The following DMXL2 variants were observed in gnomAD, a reference collection of about 807,000 sequenced individuals.
The protein encoded by DMXL2 is Dmx like 2.
DMXL2 carries 103 observed loss-of-function variants against 331.1 expected under a neutral mutation model. The observed-to-expected ratio is 0.31, with a 90% CI of 0.27 to 0.37. The LOEUF is 0.37. DMXL2 is among the 10% of genes least tolerant of loss of function. The pLI is 1.00. For missense variants in DMXL2, 3,171 were observed against 3,642.9 expected, an observed-to-expected ratio of 0.87 and a Z score of 3.33; for synonymous variants, 1,281 against 1,252.1, an observed-to-expected ratio of 1.02 and a Z score of -0.49.
At chr15:51,529,416 A>C (rs1351427290) in intron 13 of DMXL2, among the ~76,000 whole-genome samples, 4 of 152,268 alleles carry the variant, frequency 2.6e-5, no homozygotes, top group South Asian at 2.1e-4. Flanking sequence ...AGATGAAAAA[A>C]GGGATACTAC....
rs148767441 is a variant in DMXL2 at position 51,456,428 on chromosome 15, A to G, written c.8338-59T>C. The G allele has an allele frequency of 1.2e-3, 1,232 of 999,232 alleles. 22 individuals carry two copies. The East Asian group carries it at 0.03, about 24-fold the overall frequency. 61.9% of individuals were successfully genotyped at this position (999,232 alleles called of 1,614,324 possible). On this transcript the variant is annotated intron_variant, in intron 37 of 43. Transcript: ENST00000560891. ...GTATGCAGAAAAGATGAGGAAGGATATGCTTCAGGATAAATTCTGACATTT... is the reference window on the plus strand; with the variant it reads ...GTATGCAGAAAAGATGAGGAAGGATGTGCTTCAGGATAAATTCTGACATTT...
intron 13 of DMXL2, among the ~76,000 whole-genome samples, chr15:51,529,064 T>C (rs1174126720): frequency 1.3e-5 from 2 of 152,044 alleles, no homozygotes. Context: ...AAACAAATGA[T>C]AATGAAAACA....
At chr15:51,541,345 T>TA (rs1171916310) in intron 9 of DMXL2, among the ~76,000 whole-genome samples, 1 of 152,104 alleles carries the variant, frequency 6.6e-6, no homozygotes, top group Non-Finnish European at 1.5e-5. Flanking sequence ...TGACTCAACA[T>TA]ATATAAAATA....
chr15:51,544,125 C>T (rs551047936), intron 8 of DMXL2, among the ~76,000 whole-genome samples: 1 of 152,262 alleles, frequency 6.6e-6, no homozygotes, highest in Non-Finnish European at 1.5e-5. Context: ...AGCGCCCAAT[C>T]ACAGACAGTG....
In DMXL2 at chr15:51,547,327, T is replaced by C. The variant is rs1481564844; in HGVS notation, c.649A>G (p.Arg217Gly). 1 of 1,612,998 alleles carries C rather than the reference T, an allele frequency of 6.2e-7. No individual in the cohort carries two copies. Among genetic ancestry groups the C allele is most frequent in the African/African-American group, 1.3e-5 (1 of 74,958 alleles). ...IIPQDHHEVK[R>G]RQSSTQFSFV... ...GAAAATTGAGTAGAGGACTGTCTCC[T>C]TTTTACTTCATGATGATCCTGAGGT... Residue 217 changes from arginine (R) to glycine (G), a missense_variant, in exon 7 of 44, where the codon AGG becomes GGG. Arg to Gly is a moderately radical substitution (Grantham distance 125, BLOSUM62 -2). Transcript: ENST00000560891.
intron 4 of DMXL2, 123 bp from the exon 5 acceptor site, chr15:51,564,383 G>A (rs972851048): frequency 4.9e-5 from 31 of 636,468 alleles, no homozygotes; most frequent in Non-Finnish European, 6.9e-5. Flanking sequence ...TATCGCCAAC[G>A]AAAAACACTT....
At chr15:51,522,859 C>G (rs2047454877) in intron 13 of DMXL2, among the ~76,000 whole-genome samples, 1 of 152,164 alleles carries the variant, frequency 6.6e-6, no homozygotes, top group Non-Finnish European at 1.5e-5. Flanking sequence ...CTTCTCCTTT[C>G]CTAGACTATG....
At chr15:51,524,977 A>G (rs1358524743) in intron 13 of DMXL2, among the ~76,000 whole-genome samples, 1 of 151,676 alleles carries the variant, frequency 6.6e-6, no homozygotes, top group Non-Finnish European at 1.5e-5. Flanking sequence ...TCACGGCTCC[A>G]AAGGAGACTC....
chr15:51,543,186 T>C (rs983393058), intron 8 of DMXL2, among the ~76,000 whole-genome samples: 6 of 152,178 alleles, frequency 3.9e-5, no homozygotes, highest in African/African-American at 1.4e-4. Context: ...CTTGGCATTA[T>C]CTTTTTTCTC....
At chr15:51,490,024 G>T (rs1207256866) in intron 20 of DMXL2, among the ~76,000 whole-genome samples, 1 of 152,028 alleles carries the variant, frequency 6.6e-6, no homozygotes, top group South Asian at 2.1e-4. Flanking sequence ...CCAGTGCTTT[G>T]GAATATAAAA....
intron 13 of DMXL2, among the ~76,000 whole-genome samples, chr15:51,530,903 G>A (rs1013245674): frequency 6.6e-6 from 1 of 152,124 alleles, no homozygotes; most frequent in Admixed American, 6.5e-5. Context: ...AAAATGGAAA[G>A]ATATTCCATG....
chr15:51,491,598 G>T lies in DMXL2; in HGVS notation c.4933C>A (p.Leu1645Ile), dbSNP rs974745450. The change falls in exon 20 of 44, where the codon CTT becomes ATT. Residue 1645 changes from leucine (L) to isoleucine (I), a missense_variant. Physicochemically the swap from Leu to Ile is conservative, Grantham distance 5 (BLOSUM62 2). Coordinates refer to ENST00000560891, the MANE Select transcript of DMXL2 (RefSeq NM_001378457.1). ...IGWWVRNINT[L>I]RRCIEKVAKA... ...GTTACCTTTTCAATGCATCTTCGAAGCGTGTTAATGTTCCTCACCCACCAT... is the reference window on the plus strand; with the variant it reads ...GTTACCTTTTCAATGCATCTTCGAATCGTGTTAATGTTCCTCACCCACCAT... 9 of 1,602,454 alleles carry T rather than the reference G, an allele frequency of 5.6e-6. No individual in the cohort carries two copies. Among genetic ancestry groups the T allele is most frequent in the Non-Finnish European group, 6.8e-6 (8 of 1,176,846 alleles).
intron 13 of DMXL2, among the ~76,000 whole-genome samples, chr15:51,532,658 A>C (rs558330610): frequency 4.6e-5 from 7 of 152,274 alleles, no homozygotes; most frequent in African/African-American, 1.4e-4. Context: ...ATATACATCT[A>C]CTATGTACCC....
At chr15:51,457,607 C>T in intron 36 of DMXL2, 141 bp from the exon 37 acceptor site, 6 of 943,628 alleles carry the variant, frequency 6.4e-6, no homozygotes, top group Non-Finnish European at 9.3e-6. Flanking sequence ...GGTACAAGTC[C>T]TAATCGCCAA....
chr15:51,474,501 A>C lies in DMXL2; in HGVS notation c.7056T>G (p.Val2352=). 6.2e-7 allele frequency: 1 copy of C among 1,614,156 alleles called. No homozygotes were observed. Among genetic ancestry groups the C allele is most frequent in the South Asian group, 1.1e-5 (1 of 91,084 alleles). Reference sequence around the variant, plus strand: ...GAGCATGTATCAATAAACTTAAGTAAACAGCAACAACAGCTTCACATAGCA... The same window carrying C: ...GAGCATGTATCAATAAACTTAAGTACACAGCAACAACAGCTTCACATAGCA... The part of the protein sequence containing the change: ...NILLCEAVVA[V]YLSLLIHALA... The change falls in exon 28 of 44, where the codon GTT becomes GTG. Residue 2352 remains valine, a synonymous_variant. Transcript: ENST00000560891.
At chr15:51,621,150 T>A (rs2054600962) in intron 1 of DMXL2, among the ~76,000 whole-genome samples, 1 of 152,214 alleles carries the variant, frequency 6.6e-6, no homozygotes, top group African/African-American at 2.4e-5. Flanking sequence ...TATATGAATA[T>A]TTTAAGTCAC....
intron 6 of DMXL2, among the ~76,000 whole-genome samples, chr15:51,552,899 CTCCAGCTT>C (rs1397043476): frequency 6.6e-6 from 1 of 152,228 alleles, no homozygotes; most frequent in Non-Finnish European, 1.5e-5. Context: ...AACCACTACA[CTCCAGCTT>C]TCTGTTGCTC....
intron 33 of DMXL2, among the ~76,000 whole-genome samples, chr15:51,462,776 G>A (rs901902717): frequency 6.6e-6 from 1 of 152,092 alleles, no homozygotes; most frequent in African/African-American, 2.4e-5. Context: ...ATAAGGAAGA[G>A]GTCACTTGCC....
chr15:51,532,975 A>T (rs2048091691), intron 13 of DMXL2, among the ~76,000 whole-genome samples: 1 of 152,244 alleles, frequency 6.6e-6, no homozygotes. Flanking sequence ...TACAGGATAT[A>T]AGATAAACAT....
Sources: gnomAD v4.1 joint callset for allele counts (sites outside exome capture counted in the v4.1 genomes callset) on GRCh38, gnomAD v4.1.1 for gene constraint, MANE v1.5 for transcripts, NCBI Gene and HGNC (gene_info 2026-07-23, HGNC 2026-07-21) for gene names.